The following RIMS1 variants were observed in gnomAD, a reference collection of about 807,000 sequenced individuals.
RIMS1 encodes regulating synaptic membrane exocytosis 1.
A neutral mutation model predicts 214.1 loss-of-function variants in RIMS1; 83 were observed. The observed-to-expected ratio is 0.39, with a 90% CI of 0.32 to 0.47. The LOEUF (loss-of-function observed/expected upper bound fraction) is 0.47, where lower values mean the gene tolerates loss of function less well. Among genes scored for constraint, RIMS1 ranks in the 20% least tolerant of loss-of-function variants. RIMS1 has a pLI of 0.99. For missense variants in RIMS1, 2,050 were observed against 2,161.8 expected (o/e 0.95, Z 1.03); for synonymous variants, 793 against 786.8 (o/e 1.01, Z -0.13).
chr6:72,109,804 A>G (rs986444316), intron 4 of RIMS1, among the ~76,000 whole-genome samples: 1 of 152,078 alleles, frequency 6.6e-6, no homozygotes, highest in Non-Finnish European at 1.5e-5. Flanking sequence ...GGTAATGCCT[A>G]GGTTTTCTTC....
rs76870880 is a variant in RIMS1, at chr6:72,015,063, G to A, written c.245+46000G>A. ...GCATTTTGCATTTTTTTTTATTTTG[G>A]AATATTTGCATATAGACAAGGAGAT... On this transcript the variant is annotated intron_variant, in intron 2 of 33. Transcript: ENST00000521978. Among the ~76,000 whole-genome samples, 149 of 152,118 alleles carry A rather than the reference G, an allele frequency of 9.8e-4. No individual in the cohort carries two copies. In the East Asian group the frequency reaches 0.025, roughly 26 times the overall value.
At chr6:72,223,241 G>T (rs2059101928) in intron 6 of RIMS1, among the ~76,000 whole-genome samples, 2 of 152,280 alleles carry the variant, frequency 1.3e-5, no homozygotes, top group South Asian at 4.1e-4. Flanking sequence ...CCTTTGGCAA[G>T]ACTCTCAAAT....
intron 29 of RIMS1, among the ~76,000 whole-genome samples, chr6:72,383,081 T>C (rs905028568): frequency 3.9e-5 from 6 of 152,200 alleles, no homozygotes; most frequent in Non-Finnish European, 8.8e-5. Context: ...TCATGATCTC[T>C]CCAGTTTACA....
intron 29 of RIMS1, chr6:72,366,622 A>G: frequency 1.2e-6 from 1 of 854,128 alleles, no homozygotes; most frequent in Non-Finnish European, 1.4e-6. Context: ...ATAGGAAAGA[A>G]GCACTCTTGA....
At chr6:72,158,975 A>G (rs1679261797) in intron 4 of RIMS1, among the ~76,000 whole-genome samples, 1 of 140,202 alleles carries the variant, frequency 7.1e-6, no homozygotes, top group Non-Finnish European at 1.6e-5. Context: ...GAATCGCCAC[A>G]CTGACTTCCA....
intron 14 of RIMS1, 61 bp from the exon 15 acceptor site, chr6:72,251,154 A>G (rs529111565): frequency 5.1e-6 from 8 of 1,554,864 alleles, no homozygotes; most frequent in Middle Eastern, 1.7e-4. Context: ...ATTTATTATG[A>G]TTACTATTAC....
At chr6:72,259,906 A>G (rs2077259818) in intron 18 of RIMS1, among the ~76,000 whole-genome samples, 1 of 152,174 alleles carries the variant, frequency 6.6e-6, no homozygotes, top group South Asian at 2.1e-4. Flanking sequence ...TAGTGGTGCT[A>G]AATAATTTTT....
At chr6:71,978,594 T>C (rs755376673) in intron 2 of RIMS1, among the ~76,000 whole-genome samples, 24 of 152,074 alleles carry the variant, frequency 1.6e-4, no homozygotes, top group Non-Finnish European at 3.1e-4. Flanking sequence ...AAAAAGAATA[T>C]GTCATATGCA....
At chr6:72,025,192 C>T (rs556607450) in intron 2 of RIMS1, among the ~76,000 whole-genome samples, 50 of 152,212 alleles carry the variant, frequency 3.3e-4, no homozygotes, top group Admixed American at 1.9e-3. Context: ...CATGAGCCAC[C>T]GCACCTGGCC....
chr6:71,984,094 G>T (rs977780800), intron 2 of RIMS1, among the ~76,000 whole-genome samples: 2 of 151,950 alleles, frequency 1.3e-5, no homozygotes, highest in Admixed American at 6.6e-5. Context: ...AAGTATAGTT[G>T]GTTATTTCAA....
At chr6:72,027,457 T>G (rs1358999599) in intron 2 of RIMS1, among the ~76,000 whole-genome samples, 1 of 152,140 alleles carries the variant, frequency 6.6e-6, no homozygotes, top group Non-Finnish European at 1.5e-5. Context: ...GGGAATGCCC[T>G]CAGAGAATGT....
chr6:72,090,718 AACTT>A (rs1337951858), intron 2 of RIMS1, among the ~76,000 whole-genome samples: 1 of 152,154 alleles, frequency 6.6e-6, no homozygotes, highest in Non-Finnish European at 1.5e-5. Context: ...ATTTATGTAT[AACTT>A]ACTTTCTAAA....
chr6:72,288,476 G>A (rs965074323), intron 24 of RIMS1, among the ~76,000 whole-genome samples: 4 of 152,102 alleles, frequency 2.6e-5, no homozygotes. Context: ...TACACTCCCT[G>A]TTTCATTCTC....
chr6:72,002,353 T>C (rs1584582559), intron 2 of RIMS1, among the ~76,000 whole-genome samples: 1 of 149,446 alleles, frequency 6.7e-6, no homozygotes, highest in Admixed American at 6.7e-5. Flanking sequence ...ATATGAAAGG[T>C]GATGTAGCAG....
Position 72,258,148 on chromosome 6 carries a change from G to C in RIMS1, c.2794G>C (p.Glu932Gln). ...PPVGYRSSAR[E>Q]SKSTTLTVPE... is the part of the protein sequence containing the mutation. The stretch of plus-strand genomic sequence containing the variant: ...AGTAGGCTATAGGTCTAGTGCTAGA[G>C]AAAGTAAATCTACAACATTAACTGT... The change falls in exon 17 of 34, where the codon GAA (glutamate) becomes CAA (glutamine). Residue 932 changes from glutamate (E) to glutamine (Q), a missense_variant. Around this residue, in one of 6 missense-constraint regions of RIMS1, gnomAD observed 889 missense variants for 885.5 expected, o/e 1.00. Transcript: ENST00000521978. 1 of 1,612,864 alleles carries C rather than the reference G, an allele frequency of 6.2e-7. No individual in the cohort carries two copies. Among genetic ancestry groups the C allele is most frequent in the Non-Finnish European group, 8.5e-7 (1 of 1,179,296 alleles).
intron 30 of RIMS1, among the ~76,000 whole-genome samples, chr6:72,392,071 G>A (rs867380563): frequency 3.3e-5 from 5 of 152,174 alleles, no homozygotes; most frequent in South Asian, 2.1e-4. Flanking sequence ...CACATAATGA[G>A]CATAGTTGTC....
chr6:71,931,994 T>G (rs938717010), intron 1 of RIMS1, among the ~76,000 whole-genome samples: 1 of 152,062 alleles, frequency 6.6e-6, no homozygotes, highest in Non-Finnish European at 1.5e-5. Context: ...CAGGCAAGGT[T>G]GTGGATAAAA....
intron 27 of RIMS1, among the ~76,000 whole-genome samples, chr6:72,312,733 T>C (rs1259824751): frequency 2.0e-5 from 3 of 152,196 alleles, no homozygotes; most frequent in Non-Finnish European, 4.4e-5. Flanking sequence ...TCACTGCCTC[T>C]TTGCTCAGTT....
chr6:71,974,575 G>A (rs908891562), intron 2 of RIMS1, among the ~76,000 whole-genome samples: 2 of 152,138 alleles, frequency 1.3e-5, no homozygotes, highest in East Asian at 1.9e-4. Flanking sequence ...GACCAGGTAG[G>A]AGAGGCAGGA....
Sources: allele counts gnomAD v4.1 joint callset (sites outside exome capture counted in the v4.1 genomes callset), GRCh38; gene constraint gnomAD v4.1.1; regional missense constraint gnomAD v4.1.1; transcripts MANE v1.5; gene names NCBI Gene and HGNC (gene_info 2026-07-23, HGNC 2026-07-21).